SULF1: variants seen among roughly 807,000 people sequenced by gnomAD.
SULF1 encodes the protein sulfatase 1.
In SULF1, 46 loss-of-function variants were observed where a neutral mutation model predicts 110.5. The ratio of observed to expected loss-of-function variants is 0.42; its 90% confidence interval spans 0.33 to 0.53. The LOEUF (loss-of-function observed/expected upper bound fraction) is 0.53, where lower values mean the gene tolerates loss of function less well. Among genes scored for constraint, SULF1 ranks in the 20% least tolerant of loss-of-function variants. The probability of loss-of-function intolerance (pLI) is 0.12; values close to 1 mark genes in which losing one functional copy is unlikely to be tolerated. For missense variants in SULF1, 941 were observed against 1,094.2 expected (o/e 0.86, Z 1.98); for synonymous variants, 371 against 387.1 (o/e 0.96, Z 0.49).
At chr8:69,653,562 T>C (rs574460983) in intron 22 of SULF1, among the ~76,000 whole-genome samples, 3 of 152,376 alleles carry the variant, frequency 2.0e-5, no homozygotes, top group East Asian at 3.9e-4. Context: ...ATTCACCAGC[T>C]GGAAATTTCT....
At chr8:69,546,635 G>A (rs1319519486) in intron 3 of SULF1, among the ~76,000 whole-genome samples, 1 of 152,100 alleles carries the variant, frequency 6.6e-6, no homozygotes. Context: ...TAAAATCAAC[G>A]TATCTTCAAG....
intron 3 of SULF1, among the ~76,000 whole-genome samples, chr8:69,512,491 A>G (rs1193299575): frequency 6.6e-6 from 1 of 152,194 alleles, no homozygotes; most frequent in Non-Finnish European, 1.5e-5. Flanking sequence ...AGACTCCACC[A>G]CTTACCAGCT....
intron 22 of SULF1, among the ~76,000 whole-genome samples, chr8:69,654,596 G>A (rs980776839): frequency 6.6e-6 from 1 of 152,166 alleles, no homozygotes; most frequent in Non-Finnish European, 1.5e-5. Flanking sequence ...TCCAACACCA[G>A]CAGTTGCATC....
chr8:69,479,037 C>T (rs1809414074), intron 1 of SULF1, among the ~76,000 whole-genome samples: 1 of 152,170 alleles, frequency 6.6e-6, no homozygotes, highest in Non-Finnish European at 1.5e-5. Flanking sequence ...GATTCTCTGG[C>T]TCAGATTTTT....
At chr8:69,563,767 A>T in intron 4 of SULF1, 149 bp from the exon 5 acceptor site, 1 of 515,786 alleles carries the variant, frequency 1.9e-6, no homozygotes, top group East Asian at 3.0e-5. Flanking sequence ...AGCACTTGTG[A>T]GGGTTTGCTA....
intron 13 of SULF1, among the ~76,000 whole-genome samples, chr8:69,610,940 C>A (rs559695690): frequency 3.0e-4 from 45 of 152,080 alleles, no homozygotes; most frequent in Middle Eastern, 3.4e-3. Flanking sequence ...ACATGTGAAT[C>A]CCACTTTCTC....
intron 13 of SULF1, among the ~76,000 whole-genome samples, chr8:69,620,266 C>T (rs531467482): frequency 1.2e-4 from 18 of 152,278 alleles, no homozygotes; most frequent in African/African-American, 4.1e-4. Flanking sequence ...TCCTTGTCTG[C>T]TTCCGGAGCC....
chr8:69,594,538 T>A (rs6472466), intron 8 of SULF1, among the ~76,000 whole-genome samples: 47,136 of 151,892 alleles, frequency 0.31, 8,630 homozygotes, highest in African/African-American at 0.5. Context: ...TAAACATAGG[T>A]TGTCAAAGGA....
intron 3 of SULF1, among the ~76,000 whole-genome samples, chr8:69,527,224 T>G (rs1812761173): frequency 6.6e-6 from 1 of 152,098 alleles, no homozygotes; most frequent in South Asian, 2.1e-4. Context: ...GAGCTTCATT[T>G]TAACGGTTCG....
chr8:69,608,136 T>G (rs1235100395), intron 13 of SULF1, among the ~76,000 whole-genome samples: 3 of 152,160 alleles, frequency 2.0e-5, no homozygotes. Context: ...AAGGTTGGGG[T>G]TAGAATATTG....
chr8:69,602,149 C>T (rs976594460), intron 10 of SULF1, among the ~76,000 whole-genome samples: 5 of 151,854 alleles, frequency 3.3e-5, no homozygotes, highest in Admixed American at 6.6e-5. Flanking sequence ...ATCAGAGATA[C>T]GCTGTCATTT....
chr8:69,554,861 C>T (rs1814979980), intron 3 of SULF1, among the ~76,000 whole-genome samples: 1 of 151,540 alleles, frequency 6.6e-6, no homozygotes, highest in Non-Finnish European at 1.5e-5. Context: ...CGCCTGTGGT[C>T]CCAGCTACTC....
At chr8:69,506,235 T>C (rs982690646) in intron 3 of SULF1, among the ~76,000 whole-genome samples, 11 of 149,798 alleles carry the variant, frequency 7.3e-5, no homozygotes, top group South Asian at 2.1e-4. Context: ...ACACTAAACA[T>C]ACACACACAC....
intron 3 of SULF1, among the ~76,000 whole-genome samples, chr8:69,535,609 C>A (rs16936028): frequency 0.1 from 15,787 of 152,148 alleles, 1,529 homozygotes; most frequent in East Asian, 0.41. Context: ...AAAGCTCTAA[C>A]CTTTTTTCTG....
At chr8:69,485,035 TG>T (rs1224280747) in intron 1 of SULF1, among the ~76,000 whole-genome samples, 1 of 152,120 alleles carries the variant, frequency 6.6e-6, no homozygotes, top group Non-Finnish European at 1.5e-5. Flanking sequence ...CCATCACAGC[TG>T]CCCTCTGAGC....
At chr8:69,497,567 G>T (rs1191668126) in intron 2 of SULF1, among the ~76,000 whole-genome samples, 1 of 152,184 alleles carries the variant, frequency 6.6e-6, no homozygotes, top group Non-Finnish European at 1.5e-5. Context: ...GTGTGTATGT[G>T]TAAAGTATAT....
chr8:69,521,990 TA>T (rs1214275072), intron 3 of SULF1, among the ~76,000 whole-genome samples: 1 of 150,810 alleles, frequency 6.6e-6, no homozygotes, highest in Non-Finnish European at 1.5e-5. Flanking sequence ...AACTAGATAT[TA>T]AAAAGAGAGA....
At chr8:69,635,258 A>T (rs1810895594) in intron 19 of SULF1, among the ~76,000 whole-genome samples, 1 of 152,222 alleles carries the variant, frequency 6.6e-6, no homozygotes. Context: ...AACCCAGAGG[A>T]TGTGCAACAC....
intron 22 of SULF1, among the ~76,000 whole-genome samples, chr8:69,650,015 A>T (rs1812212532): frequency 1.7e-5 from 1 of 59,018 alleles, no homozygotes; most frequent in South Asian, 6.0e-4. Flanking sequence ...TTTTTGTCTG[A>T]GACACGGTCT....
Sources: allele counts gnomAD v4.1 joint callset (sites outside exome capture counted in the v4.1 genomes callset), GRCh38; gene constraint gnomAD v4.1.1; transcripts MANE v1.5; gene names NCBI Gene and HGNC (gene_info 2026-07-23, HGNC 2026-07-21).